MEMO1: variants seen among roughly 807,000 people sequenced by gnomAD.
MEMO1 encodes protein MEMO1.
Under a neutral mutation model 45.2 loss-of-function variants are expected in MEMO1, and 6 were observed. The ratio of observed to expected loss-of-function variants is 0.13; its 90% CI spans 0.07 to 0.26. MEMO1 has a LOEUF of 0.26. Among genes scored for constraint, MEMO1 ranks in the 10% least tolerant of loss-of-function variants. The pLI, the probability that MEMO1 is intolerant of heterozygous loss-of-function variation, is 1.00. For missense variants in MEMO1, 184 were observed against 370.5 expected (o/e 0.50, Z 4.13); for synonymous variants, 78 against 124.3 (o/e 0.63, Z 2.48).
At chr2:32,001,132 G>A (rs1222817980) in intron 2 of MEMO1, among the ~76,000 whole-genome samples, 3 of 144,888 alleles carry the variant, frequency 2.1e-5, no homozygotes, top group African/African-American at 5.1e-5. Flanking sequence ...GCCGCCTCCC[G>A]GGTTCATGCC....
chr2:31,963,402 A>G, intron 2 of MEMO1: 5 of 1,001,300 alleles, frequency 5.0e-6, no homozygotes, highest in Non-Finnish European at 6.4e-6. Context: ...CCAAGAAGCA[A>G]GGAAAGCTAA....
At chr2:31,996,225 A>G (rs1268312601) in intron 2 of MEMO1, among the ~76,000 whole-genome samples, 1 of 151,536 alleles carries the variant, frequency 6.6e-6, no homozygotes, top group Non-Finnish European at 1.5e-5. Context: ...AGAGAAAGAG[A>G]GAGAGAGAGA....
intron 2 of MEMO1, among the ~76,000 whole-genome samples, chr2:31,943,768 C>T (rs1365382685): frequency 2.0e-5 from 3 of 152,158 alleles, no homozygotes; most frequent in African/African-American, 7.2e-5. Context: ...AGATTAATCA[C>T]TGAAATGACA....
In MEMO1 at chr2:31,920,848, C is replaced by T. The variant is rs1237600145; in HGVS notation, c.275G>A (p.Ser92Asn). ...HVPLSRCALS[S>N]VDIYRTPLYD... ...CAGAGGTGTCCTATATATATCCACA[C>T]TGGAAAGTGCACATCGAGAGAGGGG... Residue 92 changes from serine (S) to asparagine (N), a missense_variant, in exon 5 of 10, where the codon AGT (serine) becomes AAT (asparagine). Ser to Asn is a conservative substitution (Grantham distance 46, BLOSUM62 1). Transcript: ENST00000404530. 2 of 1,612,122 alleles carry T rather than the reference C, an allele frequency of 1.2e-6. No individual in the cohort carries two copies. The highest frequency in any genetic ancestry group is 1.7e-6 in the Non-Finnish European group (2 of 1,179,258).
chr2:31,911,904 G>C lies in MEMO1; in HGVS notation c.437+6022C>G, dbSNP rs147640516. Reference sequence around the variant, plus strand: ...AATCCTCCTGCCTTAGCCTCCCAAAGTGCTGGGATTACAGGCCTCATGAGC... The same window carrying C: ...AATCCTCCTGCCTTAGCCTCCCAAACTGCTGGGATTACAGGCCTCATGAGC... On this transcript the variant is annotated intron_variant, in intron 6 of 9. Coordinates refer to ENST00000404530, the MANE Select transcript of MEMO1 (RefSeq NM_001301833.4). Among the ~76,000 whole-genome samples, 362 of 152,178 alleles carry C rather than the reference G, an allele frequency of 2.4e-3. 2 individuals carry two copies. Among genetic ancestry groups the C allele is most frequent in the African/African-American group, 8.5e-3 (352 of 41,508 alleles).
At chr2:31,997,413 T>G (rs796698457) in intron 2 of MEMO1, among the ~76,000 whole-genome samples, 3 of 152,322 alleles carry the variant, frequency 2.0e-5, no homozygotes, top group African/African-American at 4.8e-5. Flanking sequence ...TTTTATATTT[T>G]TAGTAGAGAT....
intron 6 of MEMO1, among the ~76,000 whole-genome samples, chr2:31,892,400 T>C (rs1209506712): frequency 6.6e-6 from 1 of 152,176 alleles, no homozygotes. Context: ...AAAGCTATTT[T>C]ACTACCAGGT....
chr2:31,883,571 T>C, intron 7 of MEMO1, 109 bp from the exon 8 acceptor site: 1 of 737,222 alleles, frequency 1.4e-6, no homozygotes, highest in Non-Finnish European at 2.2e-6. Flanking sequence ...AAGCACAGCT[T>C]AAGCCTCTGA....
intron 2 of MEMO1, among the ~76,000 whole-genome samples, chr2:31,957,246 T>C (rs1308029020): frequency 6.6e-6 from 1 of 152,120 alleles, no homozygotes; most frequent in African/African-American, 2.4e-5. Context: ...ATCGTTTGTA[T>C]TTTACACTAC....
intron 6 of MEMO1, among the ~76,000 whole-genome samples, chr2:31,896,215 A>G (rs921236763): frequency 1.3e-5 from 2 of 152,318 alleles, no homozygotes; most frequent in Admixed American, 1.3e-4. Flanking sequence ...AAATAGTACT[A>G]GGACAACTGC....
In MEMO1 at chr2:31,874,868, T is replaced by G. The variant is rs376702626; in HGVS notation, c.658-4916A>C. On this transcript the variant is annotated intron_variant, in intron 8 of 9. Coordinates refer to ENST00000404530, the MANE Select transcript of MEMO1 (RefSeq NM_001301833.4). Reference sequence around the variant, plus strand: ...ATGCAAAAGTACATTCACCATCTGATTAATCAATTAAGACAATACAATATT... The same window carrying G: ...ATGCAAAAGTACATTCACCATCTGAGTAATCAATTAAGACAATACAATATT... Among the ~76,000 whole-genome samples, 20 of 152,002 alleles carry G rather than the reference T, an allele frequency of 1.3e-4. No individual in the cohort carries two copies. In the East Asian group the frequency reaches 3.1e-3, roughly 23 times the overall value.
At chr2:31,923,668 T>C (rs773075353) in intron 4 of MEMO1, 1 of 1,547,842 alleles carries the variant, frequency 6.5e-7, no homozygotes, top group South Asian at 1.2e-5. Flanking sequence ...AGGGCATTTT[T>C]CTGATTGAGG....
At chr2:31,903,048 A>G (rs1276023641) in intron 6 of MEMO1, among the ~76,000 whole-genome samples, 2 of 152,168 alleles carry the variant, frequency 1.3e-5, no homozygotes, top group Middle Eastern at 3.2e-3. Flanking sequence ...TTAAAATTTT[A>G]AATTTGTTTA....
intron 8 of MEMO1, among the ~76,000 whole-genome samples, chr2:31,880,932 GAGGA>G (rs1558473359): frequency 6.6e-6 from 1 of 152,142 alleles, no homozygotes; most frequent in Non-Finnish European, 1.5e-5. Context: ...GCTGAAGTGG[GAGGA>G]CTGTTTAAGC....
At chr2:31,931,949 T>C in intron 4 of MEMO1, 118 bp downstream of exon 4, 1 of 801,256 alleles carries the variant, frequency 1.2e-6, no homozygotes, top group Non-Finnish European at 2.0e-6. Context: ...TCATCAAAAG[T>C]CAAATCCCTC....
At chr2:31,908,669 C>T (rs955196995) in intron 6 of MEMO1, among the ~76,000 whole-genome samples, 1 of 152,166 alleles carries the variant, frequency 6.6e-6, no homozygotes, top group Non-Finnish European at 1.5e-5. Context: ...GCCAAGGAAT[C>T]AAGCTGTAGA....
At chr2:31,881,025 CA>C (rs1297457365) in intron 8 of MEMO1, among the ~76,000 whole-genome samples, 1 of 139,482 alleles carries the variant, frequency 7.2e-6, no homozygotes, top group Non-Finnish European at 1.6e-5. Flanking sequence ...CACTGTCTCA[CA>C]AAAAAATAAA....
rs975566179 is a variant in MEMO1, at chr2:31,985,206, T to C, written c.61+24981A>G. The stretch of plus-strand genomic sequence containing the variant: ...TGGTTTTTTAAGAAAATAAGAGATA[T>C]GTATTCCCAAGTCCCTAAAATAAAA... On this transcript the variant is annotated intron_variant, in intron 2 of 9. Transcript: ENST00000404530. Among the ~76,000 whole-genome samples, 16 of 152,208 alleles carry C rather than the reference T, an allele frequency of 1.1e-4. 1 individual carries two copies. The highest frequency in any genetic ancestry group is 1.0e-3 in the Admixed American group (16 of 15,276).
chr2:31,897,430 G>C (rs894836288), intron 6 of MEMO1, among the ~76,000 whole-genome samples: 1 of 152,162 alleles, frequency 6.6e-6, no homozygotes, highest in Non-Finnish European at 1.5e-5. Context: ...GCATGAAGCG[G>C]TATTGAATTT....
Sources: gnomAD v4.1 joint callset for allele counts (sites outside exome capture counted in the v4.1 genomes callset) on GRCh38, gnomAD v4.1.1 for gene constraint, MANE v1.5 for transcripts, NCBI Gene and HGNC (gene_info 2026-07-23, HGNC 2026-07-21) for gene names.